DIAPH2: variants seen among roughly 807,000 people sequenced by gnomAD.
The protein encoded by DIAPH2 is protein diaphanous homolog 2.
Under a neutral mutation model 92.7 loss-of-function variants are expected in DIAPH2, and 35 were observed. The observed-to-expected ratio is 0.38, with a 90% confidence interval of 0.29 to 0.50. DIAPH2 has a LOEUF of 0.50. Ranked by LOEUF, DIAPH2 falls within the 20% of genes least tolerant of loss-of-function variation. The pLI, the probability that DIAPH2 is intolerant of heterozygous loss-of-function variation, is 0.94. For synonymous variants in DIAPH2, 301 were observed against 280.4 expected (o/e 1.07, Z -0.73); for missense variants, 701 against 819.5 (o/e 0.86, Z 1.77).
At chrX:97,427,657 GTTTTGT>G (rs60989289) in intron 25 of DIAPH2, among the ~76,000 whole-genome samples, 38,962 of 97,179 alleles carry the variant, frequency 0.4, 6,329 homozygotes, top group East Asian at 0.59. Context: ...TGTTTTGTTT[GTTTTGT>G]TTTTGTTTTT....
intron 4 of DIAPH2, among the ~76,000 whole-genome samples, chrX:96,843,269 C>G (rs1488676847): frequency 9.0e-6 from 1 of 111,566 alleles, no homozygotes; most frequent in Non-Finnish European, 1.9e-5. Context: ...TTCCAGAGGC[C>G]TCCCAGAAGT....
At chrX:96,920,352 T>C (rs2065533979) in intron 9 of DIAPH2, among the ~76,000 whole-genome samples, 1 of 112,044 alleles carries the variant, frequency 8.9e-6, no homozygotes, top group Non-Finnish European at 1.9e-5. Context: ...GTTTTTCAGA[T>C]ATATGTGTAT....
rs1284447730 is a variant in DIAPH2 at position 97,185,515 on chromosome X, A to ATC, written c.2719+43722_2719+43723insCT. On this transcript the variant is annotated intron_variant, in intron 22 of 26. Coordinates refer to ENST00000324765, the MANE Select transcript of DIAPH2 (RefSeq NM_006729.5). The stretch of plus-strand genomic sequence containing the variant: ...TATATATATATATATATATATATAT[A>ATC]TATATCTCACTTCTTCATACTGAAT... 1.3e-4 allele frequency among the ~76,000 whole-genome samples: 6 copies of ATC among 44,589 alleles called. 1 individual carries two copies. The highest frequency in any genetic ancestry group is 0.018 in the Middle Eastern group (1 of 56). The allele number at this position is 44,589 out of a possible 115,157, so 38.7% of individuals were successfully genotyped here. A position where few individuals can be genotyped will look rare whatever the true frequency, so the allele number is the denominator to read the frequency against.
At chrX:97,120,614 GTTTTT>G (rs139009030) in intron 21 of DIAPH2, among the ~76,000 whole-genome samples, 1 of 75,849 alleles carries the variant, frequency 1.3e-5, no homozygotes, top group African/African-American at 5.4e-5. Context: ...TTTTTTGTGG[GTTTTT>G]TTTTTTTTTT....
chrX:97,276,013 G>A (rs1179309284), intron 23 of DIAPH2, among the ~76,000 whole-genome samples: 4 of 112,940 alleles, frequency 3.5e-5, no homozygotes, highest in East Asian at 2.8e-4. Context: ...ACGAGACTCC[G>A]TCTGCAATCC....
At chrX:97,421,633 G>A (rs994617935) in intron 25 of DIAPH2, among the ~76,000 whole-genome samples, 3 of 111,724 alleles carry the variant, frequency 2.7e-5, no homozygotes, top group African/African-American at 9.8e-5. Context: ...TGTACCTAGA[G>A]TTCTATGCAG....
chrX:96,967,752 A>C (rs2147827900), intron 17 of DIAPH2, among the ~76,000 whole-genome samples: 1 of 110,820 alleles, frequency 9.0e-6, no homozygotes, highest in South Asian at 3.9e-4. Context: ...GCTGCATAGT[A>C]TTCCATGGTG....
chrX:97,268,215 T>C (rs2068353978), intron 23 of DIAPH2, among the ~76,000 whole-genome samples: 1 of 112,727 alleles, frequency 8.9e-6, no homozygotes, highest in African/African-American at 3.2e-5. Flanking sequence ...ATGTTATTAA[T>C]TTGTAAAGTG....
chrX:97,509,365 G>A (rs2070863852), intron 26 of DIAPH2, among the ~76,000 whole-genome samples: 2 of 105,426 alleles, frequency 1.9e-5, no homozygotes, highest in African/African-American at 6.9e-5. Flanking sequence ...TTTAATATAC[G>A]TAAATTTTAT....
chrX:96,842,576 A>G (rs2064943885), intron 4 of DIAPH2, among the ~76,000 whole-genome samples: 1 of 112,454 alleles, frequency 8.9e-6, no homozygotes, highest in South Asian at 3.7e-4. Flanking sequence ...TGTATAAAAT[A>G]CCTACTAGGT....
chrX:97,187,281 C>CTTTTTT lies in DIAPH2; in HGVS notation c.2719+45505_2719+45510dup, dbSNP rs763781923. Among the ~76,000 whole-genome samples, 271 of 36,864 alleles carry CTTTTTT rather than the reference C, an allele frequency of 7.4e-3. 98 individuals carry two copies. The highest frequency in any genetic ancestry group is 0.04 in the South Asian group (9 of 225). 32.0% of individuals were successfully genotyped at this position (36,864 alleles called of 115,157 possible). On this transcript the variant is annotated intron_variant, in intron 22 of 26. Transcript: ENST00000324765. Reference sequence around the variant, plus strand: ...AGGGATTGAAGACTAATTAAGTAGCCTTTTTTTTTTTTTTTTTTTTTTTGC... The same window carrying CTTTTTT: ...AGGGATTGAAGACTAATTAAGTAGCCTTTTTTTTTTTTTTTTTTTTTTTTTTTTTGC...
chrX:97,102,655 G>A (rs781088032), intron 20 of DIAPH2, among the ~76,000 whole-genome samples: 1 of 111,995 alleles, frequency 8.9e-6, no homozygotes, highest in East Asian at 2.8e-4. Context: ...TTAAGGATGA[G>A]GATGCCGGGC....
chrX:97,489,527 G>T (rs1369926052), intron 26 of DIAPH2, among the ~76,000 whole-genome samples: 2 of 110,907 alleles, frequency 1.8e-5, no homozygotes, highest in African/African-American at 6.5e-5. Flanking sequence ...GATATGAGAA[G>T]AAAAACTTTG....
intron 14 of DIAPH2, among the ~76,000 whole-genome samples, chrX:96,946,566 G>T (rs937474833): frequency 4.5e-5 from 5 of 112,065 alleles, no homozygotes; most frequent in African/African-American, 1.3e-4. Context: ...TACTAGAATA[G>T]ATTCTAAGAG....
intron 22 of DIAPH2, among the ~76,000 whole-genome samples, chrX:97,179,390 G>GT (rs1469040774): frequency 9.1e-6 from 1 of 110,144 alleles, no homozygotes; most frequent in Non-Finnish European, 1.9e-5. Context: ...AAGCCCGTGT[G>GT]TGATGTTCCC....
chrX:96,831,662 T>C (rs933444225), intron 4 of DIAPH2, among the ~76,000 whole-genome samples: 1 of 112,507 alleles, frequency 8.9e-6, no homozygotes, highest in African/African-American at 3.2e-5. Flanking sequence ...AAGAATATTA[T>C]GAAACCATCT....
chrX:97,567,259 A>G, intron 26 of DIAPH2, among the ~76,000 whole-genome samples: 1 of 112,147 alleles, frequency 8.9e-6, no homozygotes. Flanking sequence ...TCTTTTCCTT[A>G]TAAATCCTGA....
chrX:97,135,197 G>A (rs1044101786), intron 21 of DIAPH2, among the ~76,000 whole-genome samples: 9 of 109,682 alleles, frequency 8.2e-5, no homozygotes, highest in African/African-American at 3.0e-4. Context: ...GTTTTGCTTT[G>A]TTTTGTTTTG....
At chrX:97,573,257 T>A (rs2071381002) in intron 26 of DIAPH2, among the ~76,000 whole-genome samples, 1 of 111,541 alleles carries the variant, frequency 9.0e-6, no homozygotes, top group Non-Finnish European at 1.9e-5. Flanking sequence ...ATTAAAGGTT[T>A]AGTGGAACAG....
Sources: gnomAD v4.1 joint callset for allele counts (sites outside exome capture counted in the v4.1 genomes callset) on GRCh38, gnomAD v4.1.1 for gene constraint, MANE v1.5 for transcripts, NCBI Gene and HGNC (gene_info 2026-07-23, HGNC 2026-07-21) for gene names.